Variants in POLR3G observed in about 807,000 individuals in gnomAD.
POLR3G encodes the protein DNA-directed RNA polymerase III subunit RPC7.
A neutral mutation model predicts 30.1 loss-of-function variants in POLR3G; 28 were observed. The observed-to-expected ratio is 0.93, with a 90% CI of 0.69 to 1.27. The LOEUF (loss-of-function observed/expected upper bound fraction) is 1.27. Ranked by LOEUF, POLR3G falls within the 50% of genes most tolerant of loss-of-function variation. POLR3G has a pLI of 0.00. For missense variants in POLR3G, 254 were observed against 264.6 expected (o/e 0.96, Z 0.28); for synonymous variants, 79 against 82.5 (o/e 0.96, Z 0.23).
At chr5:90,508,665 TAAAG>T (rs1457892894) in intron 7 of POLR3G, among the ~76,000 whole-genome samples, 1 of 151,976 alleles carries the variant, frequency 6.6e-6, no homozygotes, top group Non-Finnish European at 1.5e-5. Context: ...AGAAGTAGCT[TAAAG>T]AAAGAAATTA....
intron 1 of POLR3G, among the ~76,000 whole-genome samples, chr5:90,476,085 A>G (rs1053086118): frequency 6.6e-6 from 1 of 152,204 alleles, no homozygotes; most frequent in Non-Finnish European, 1.5e-5. Flanking sequence ...GAAAAATGAT[A>G]AAGAGACTCA....
At chr5:90,494,016 C>A (rs1384311025) in intron 3 of POLR3G, among the ~76,000 whole-genome samples, 1 of 152,030 alleles carries the variant, frequency 6.6e-6, no homozygotes, top group Non-Finnish European at 1.5e-5. Context: ...CAGCCACTAT[C>A]TAATTTTTTA....
At position 90,495,711 on chromosome 5, in the gene POLR3G, A is replaced by G; in HGVS notation, c.282A>G (p.Val94=). 1 of 1,598,840 alleles carries G rather than the reference A, an allele frequency of 6.3e-7. No individual in the cohort carries two copies. The highest frequency in any genetic ancestry group is 8.5e-7 in the Non-Finnish European group (1 of 1,173,382). The part of the protein sequence containing the change: ...IERYSKRYMK[V]YKEEWIPDWR... ...GGTATAGTAAAAGATACATGAAGGT[A>G]TACAAGGAAGAATGGATACCAGGTA... Residue 94 remains valine (V), a synonymous_variant, in exon 4 of 8, where the codon GTA becomes GTG. Transcript: ENST00000651687.
intron 7 of POLR3G, among the ~76,000 whole-genome samples, chr5:90,510,237 G>C (rs1377905532): frequency 2.0e-5 from 3 of 152,104 alleles, no homozygotes; most frequent in Non-Finnish European, 4.4e-5. Context: ...AATTAGCCGG[G>C]CGTGGTGGCA....
At chr5:90,496,855 C>T (rs550173771) in intron 4 of POLR3G, among the ~76,000 whole-genome samples, 3 of 152,232 alleles carry the variant, frequency 2.0e-5, no homozygotes, top group Non-Finnish European at 2.9e-5. Flanking sequence ...TCATTTCTTC[C>T]GTTTCATTAG....
intron 1 of POLR3G, among the ~76,000 whole-genome samples, chr5:90,475,464 C>G: frequency 8.2e-6 from 1 of 121,300 alleles, no homozygotes; most frequent in East Asian, 2.3e-4. Context: ...AATTCTATAT[C>G]CACCCTTTTT....
At chr5:90,490,353 C>T (rs931766159) in intron 3 of POLR3G, among the ~76,000 whole-genome samples, 1 of 140,318 alleles carries the variant, frequency 7.1e-6, no homozygotes, top group South Asian at 2.4e-4. Context: ...CAAGTACATT[C>T]TCCCTGAGAT....
In POLR3G at chr5:90,514,360, GTATT is replaced by G. The variant is rs951593893; in HGVS notation, c.*2228_*2231del. On this transcript the variant is annotated 3_prime_UTR_variant, in exon 8 of 8. Coordinates refer to ENST00000651687, the MANE Select transcript of POLR3G (RefSeq NM_006467.3). ...TGGTTGCTGTAATGCTTGTTTTTCT[GTATT>G]TATTTACACATTAAATTCTTACAAA... The G allele has an allele frequency of 3.9e-5, 6 of 152,118 alleles. No individual in the cohort carries two copies. Among genetic ancestry groups the G allele is most frequent in the African/African-American group, 1.4e-4 (6 of 41,422 alleles). 9.4% of individuals were successfully genotyped at this position (152,118 alleles called of 1,614,324 possible).
At chr5:90,483,903 A>G (rs953660679) in intron 1 of POLR3G, among the ~76,000 whole-genome samples, 6 of 152,218 alleles carry the variant, frequency 3.9e-5, no homozygotes, top group Non-Finnish European at 5.9e-5. Context: ...TTTAAGGCAA[A>G]TATTTTTAAG....
At chr5:90,508,694 A>G (rs1047869915) in intron 7 of POLR3G, among the ~76,000 whole-genome samples, 1 of 152,050 alleles carries the variant, frequency 6.6e-6, no homozygotes, top group Non-Finnish European at 1.5e-5. Context: ...TACCACGCTC[A>G]CCATAGACAA....
At chr5:90,481,439 T>G (rs1751118966) in intron 1 of POLR3G, among the ~76,000 whole-genome samples, 1 of 152,186 alleles carries the variant, frequency 6.6e-6, no homozygotes, top group Non-Finnish European at 1.5e-5. Context: ...TATAAATCAG[T>G]CAAATCCAGA....
At chr5:90,507,884 C>T (rs1561259603) in intron 7 of POLR3G, among the ~76,000 whole-genome samples, 1 of 152,086 alleles carries the variant, frequency 6.6e-6, no homozygotes, top group Non-Finnish European at 1.5e-5. Flanking sequence ...TCATCTCTTT[C>T]CCCTTTATTG....
intron 1 of POLR3G, among the ~76,000 whole-genome samples, chr5:90,480,135 A>C (rs1046694359): frequency 6.6e-6 from 1 of 152,234 alleles, no homozygotes; most frequent in Non-Finnish European, 1.5e-5. Flanking sequence ...ATTGGGCCAT[A>C]TGAAGTAGAG....
chr5:90,490,762 G>T, intron 3 of POLR3G: 1 of 248,398 alleles, frequency 4.0e-6, no homozygotes, highest in East Asian at 1.1e-4. Context: ...TAAAAATAAA[G>T]GTTTTTCTAT....
At chr5:90,506,390 G>A in intron 6 of POLR3G, 138 bp from the exon 7 acceptor site, 1 of 1,214,742 alleles carries the variant, frequency 8.2e-7, no homozygotes, top group Non-Finnish European at 1.1e-6. Context: ...TTGACTCATA[G>A]TTTCCTAGGT....
chr5:90,509,266 C>T (rs893417992), intron 7 of POLR3G, among the ~76,000 whole-genome samples: 1 of 152,136 alleles, frequency 6.6e-6, no homozygotes, highest in Non-Finnish European at 1.5e-5. Flanking sequence ...CTTCAGGGCT[C>T]TTCCCTCGGG....
At chr5:90,507,266 C>A (rs1752530350) in intron 7 of POLR3G, among the ~76,000 whole-genome samples, 1 of 152,168 alleles carries the variant, frequency 6.6e-6, no homozygotes, top group Non-Finnish European at 1.5e-5. Flanking sequence ...ACTTTGTAGA[C>A]ACCTCAGACC....
chr5:90,474,466 A>C (rs1394029691), upstream of POLR3G: 4 of 626,016 alleles, frequency 6.4e-6, no homozygotes, highest in African/African-American at 7.4e-5. Context: ...GGAAGGACGC[A>C]GACCGACGCT....
chr5:90,487,297 C>A lies in POLR3G; in HGVS notation c.118-703C>A, dbSNP rs1018360398. Among the ~76,000 whole-genome samples, 102 of 149,158 alleles carry A rather than the reference C, an allele frequency of 6.8e-4. 1 individual carries two copies. The highest frequency in any genetic ancestry group is 3.3e-4 in the Admixed American group (5 of 14,998). The stretch of plus-strand genomic sequence containing the variant: ...ATTTATTTTTTTCCAATAATACCAC[C>A]ACTAGCTGAGGTTAATAAGAACCTA... On this transcript the variant is annotated intron_variant, in intron 2 of 7. Transcript: ENST00000651687.
Sources: allele counts gnomAD v4.1 joint callset (sites outside exome capture counted in the v4.1 genomes callset), GRCh38; gene constraint gnomAD v4.1.1; transcripts MANE v1.5; gene names NCBI Gene and HGNC (gene_info 2026-07-23, HGNC 2026-07-21).